FBXL7: variants seen among roughly 807,000 people sequenced by gnomAD.
FBXL7 encodes F-box and leucine rich repeat protein 7, also known as F-box/LRR-repeat protein 7.
In FBXL7, 12 loss-of-function variants were observed where a neutral mutation model predicts 38.3. The ratio of observed to expected loss-of-function variants is 0.31; its 90% CI spans 0.20 to 0.51. The LOEUF is 0.51. Ranked by LOEUF, FBXL7 falls within the 20% of genes least tolerant of loss-of-function variation. The pLI is 0.98. For synonymous variants in FBXL7, 297 were observed against 300.9 expected, an observed-to-expected ratio of 0.99 and a Z score of 0.13; for missense variants, 567 against 676.4, an observed-to-expected ratio of 0.84 and a Z score of 1.79.
At chr5:15,717,170 G>T (rs980195170) in intron 2 of FBXL7, among the ~76,000 whole-genome samples, 18 of 152,118 alleles carry the variant, frequency 1.2e-4, no homozygotes, top group Non-Finnish European at 2.2e-4. Flanking sequence ...AAAAGTATTT[G>T]CCGGGGAAGG....
chr5:15,893,753 A>G (rs1206479180), intron 2 of FBXL7, among the ~76,000 whole-genome samples: 2 of 152,258 alleles, frequency 1.3e-5, no homozygotes, highest in Admixed American at 6.5e-5. Context: ...CAAATATTTC[A>G]TATTAGAACT....
chr5:15,831,081 T>TA (rs1176399034), intron 2 of FBXL7, among the ~76,000 whole-genome samples: 1 of 152,188 alleles, frequency 6.6e-6, no homozygotes, highest in Non-Finnish European at 1.5e-5. Flanking sequence ...ATACAGCACT[T>TA]ACAAGGTTAA....
chr5:15,692,417 G>A (rs538376554), intron 2 of FBXL7, among the ~76,000 whole-genome samples: 18 of 152,060 alleles, frequency 1.2e-4, no homozygotes, highest in African/African-American at 3.1e-4. Flanking sequence ...CATCTGCAGC[G>A]GACTTTGGCC....
At chr5:15,605,722 A>G (rs1739984143) in intron 1 of FBXL7, among the ~76,000 whole-genome samples, 1 of 152,232 alleles carries the variant, frequency 6.6e-6, no homozygotes, top group African/African-American at 2.4e-5. Flanking sequence ...AACAATTACA[A>G]TGGCAAATTT....
chr5:15,752,809 C>T (rs1042601107), intron 2 of FBXL7, among the ~76,000 whole-genome samples: 1 of 152,176 alleles, frequency 6.6e-6, no homozygotes, highest in African/African-American at 2.4e-5. Context: ...TTTACAGTCA[C>T]ATCTTAAATT....
chr5:15,880,651 A>G (rs1740408105), intron 2 of FBXL7, among the ~76,000 whole-genome samples: 1 of 150,454 alleles, frequency 6.6e-6, no homozygotes, highest in Non-Finnish European at 1.5e-5. Context: ...ATTGCAAACA[A>G]AAAACCTGGC....
At chr5:15,926,999 G>T (rs1385016333) in intron 2 of FBXL7, among the ~76,000 whole-genome samples, 3 of 151,342 alleles carry the variant, frequency 2.0e-5, no homozygotes, top group Non-Finnish European at 2.9e-5. Flanking sequence ...AGGTAAATCA[G>T]TTTGTGTATC....
rs1454161139 is a variant in FBXL7 at position 15,569,400 on chromosome 5, T to C, written c.38-46583T>C. Among the ~76,000 whole-genome samples, 4 of 151,440 alleles carry C rather than the reference T, an allele frequency of 2.6e-5. No homozygotes were observed. In the East Asian group the frequency reaches 5.8e-4, roughly 22 times the overall value. ...GATTTGGCTCTCTGTTTGTCTGTTATTGGTGTATAAGAATGCTTGTGATTT... is the reference window on the plus strand; with the variant it reads ...GATTTGGCTCTCTGTTTGTCTGTTACTGGTGTATAAGAATGCTTGTGATTT... On this transcript the variant is annotated intron_variant, in intron 1 of 3. Transcript: ENST00000504595.
At chr5:15,922,647 G>A (rs2126448586) in intron 2 of FBXL7, among the ~76,000 whole-genome samples, 1 of 152,190 alleles carries the variant, frequency 6.6e-6, no homozygotes, top group Middle Eastern at 3.4e-3. Flanking sequence ...TATTTCACTG[G>A]CACTTTTTGC....
intron 2 of FBXL7, among the ~76,000 whole-genome samples, chr5:15,792,045 T>C (rs559644268): frequency 9.2e-5 from 14 of 152,298 alleles, no homozygotes; most frequent in South Asian, 6.2e-4. Context: ...TGAATCACTG[T>C]GTCATCTTGG....
chr5:15,675,627 T>C (rs1328575172), intron 2 of FBXL7, among the ~76,000 whole-genome samples: 1 of 152,218 alleles, frequency 6.6e-6, no homozygotes, highest in Non-Finnish European at 1.5e-5. Flanking sequence ...GGGGCTTCCA[T>C]TCCCACCACT....
chr5:15,904,539 G>A (rs912369717), intron 2 of FBXL7, among the ~76,000 whole-genome samples: 13 of 152,124 alleles, frequency 8.5e-5, no homozygotes, highest in African/African-American at 2.9e-4. Context: ...CTGTTTCAAA[G>A]GATAAAGAAC....
At chr5:15,533,051 T>G (rs1465905167) in intron 1 of FBXL7, among the ~76,000 whole-genome samples, 1 of 152,132 alleles carries the variant, frequency 6.6e-6, no homozygotes, top group African/African-American at 2.4e-5. Context: ...TTGTTGAGTT[T>G]GGGGTGACTG....
chr5:15,641,298 G>A (rs1741362502), intron 2 of FBXL7, among the ~76,000 whole-genome samples: 1 of 152,096 alleles, frequency 6.6e-6, no homozygotes, highest in Admixed American at 6.5e-5. Flanking sequence ...TTTGTGTAGA[G>A]AACCCAAACA....
intron 2 of FBXL7, among the ~76,000 whole-genome samples, chr5:15,707,590 A>C (rs1743731475): frequency 6.6e-6 from 1 of 152,082 alleles, no homozygotes; most frequent in Non-Finnish European, 1.5e-5. Flanking sequence ...GGAATAAGAA[A>C]CTCAAAACCT....
intron 2 of FBXL7, among the ~76,000 whole-genome samples, chr5:15,653,818 T>C (rs1741784584): frequency 6.6e-6 from 1 of 152,214 alleles, no homozygotes. Context: ...TTATCTACAG[T>C]AATCTCATCA....
intron 2 of FBXL7, among the ~76,000 whole-genome samples, chr5:15,652,785 C>T (rs1741752928): frequency 6.6e-6 from 1 of 152,174 alleles, no homozygotes; most frequent in African/African-American, 2.4e-5. Context: ...AATCAGAACA[C>T]ACACATTTAT....
intron 1 of FBXL7, among the ~76,000 whole-genome samples, chr5:15,562,902 A>G (rs971841546): frequency 3.9e-5 from 6 of 152,190 alleles, no homozygotes; most frequent in African/African-American, 1.4e-4. Flanking sequence ...TACAATATTC[A>G]TACATTAGCC....
At chr5:15,607,023 G>A (rs1451819647) in intron 1 of FBXL7, 1 of 152,196 alleles carries the variant, frequency 6.6e-6, no homozygotes, top group Non-Finnish European at 1.5e-5. Context: ...TGTAGGGACA[G>A]ACATTGAACT....
Sources: allele counts gnomAD v4.1 joint callset (sites outside exome capture counted in the v4.1 genomes callset), GRCh38; gene constraint gnomAD v4.1.1; transcripts MANE v1.5; gene names NCBI Gene and HGNC (gene_info 2026-07-23, HGNC 2026-07-21).